KCNMA1: variants seen among roughly 807,000 people sequenced by gnomAD.
The protein encoded by KCNMA1 is potassium calcium-activated channel subfamily M alpha 1.
Under a neutral mutation model 140.0 loss-of-function variants are expected in KCNMA1, and 29 were observed. The observed-to-expected ratio is 0.21, with a 90% CI of 0.15 to 0.28. KCNMA1 has a LOEUF of 0.28. Ranked by LOEUF, KCNMA1 falls within the 10% of genes least tolerant of loss-of-function variation. The probability of loss-of-function intolerance (pLI) is 1.00; values close to 1 mark genes in which losing one functional copy is unlikely to be tolerated. For synonymous variants in KCNMA1, 612 were observed against 611.9 expected, an observed-to-expected ratio of 1.00 and a Z score of 0.00; for missense variants, 880 against 1,602.2, an observed-to-expected ratio of 0.55 and a Z score of 7.70.
chr10:77,290,061 G>T (rs937278534), intron 2 of KCNMA1, among the ~76,000 whole-genome samples: 1 of 152,138 alleles, frequency 6.6e-6, no homozygotes, highest in Non-Finnish European at 1.5e-5. Flanking sequence ...TGCGGTAAAG[G>T]CACAGTTCCA....
At chr10:77,448,931 A>C (rs751287207) in intron 1 of KCNMA1, among the ~76,000 whole-genome samples, 3 of 152,134 alleles carry the variant, frequency 2.0e-5, no homozygotes, top group Non-Finnish European at 4.4e-5. Context: ...TACTAAAAAT[A>C]CAAAAATTAG....
At chr10:77,256,785 C>A (rs1210783978) in intron 2 of KCNMA1, among the ~76,000 whole-genome samples, 1 of 151,912 alleles carries the variant, frequency 6.6e-6, no homozygotes, top group African/African-American at 2.4e-5. Context: ...ATATATGATC[C>A]CAAAGGCATA....
chr10:77,022,385 A>G (rs2092958953), intron 16 of KCNMA1, among the ~76,000 whole-genome samples: 1 of 152,204 alleles, frequency 6.6e-6, no homozygotes, highest in Non-Finnish European at 1.5e-5. Context: ...CCCTCATTTC[A>G]AGGAACATAT....
chr10:76,981,365 G>A (rs553951613), intron 19 of KCNMA1, among the ~76,000 whole-genome samples: 39 of 152,220 alleles, frequency 2.6e-4, no homozygotes, highest in Non-Finnish European at 4.0e-4. Context: ...GCCAGAAAAC[G>A]TTTAAACGGA....
rs1338019813 is a variant in KCNMA1, at chr10:76,886,756, C to G, written c.*510G>C. On this transcript the variant is annotated 3_prime_UTR_variant, in exon 28 of 28. Transcript: ENST00000286628. ...CTTCGGCCCAGAGACTGGAAACAAT[C>G]AATATGTTTTCATTGCTGTTTGGTT... The G allele has an allele frequency of 2.0e-6, 2 of 1,018,488 alleles. No homozygotes were observed. 63.1% of individuals were successfully genotyped at this position (1,018,488 alleles called of 1,614,324 possible). A position where few individuals can be genotyped will look rare whatever the true frequency, so the allele number is the denominator to read the frequency against.
At chr10:76,902,804 A>AG (rs891280623) in intron 25 of KCNMA1, 22 of 152,224 alleles carry the variant, frequency 1.4e-4, no homozygotes, top group African/African-American at 5.3e-4. Context: ...GAGATGAAAA[A>AG]ACAAAACAAA....
At chr10:77,063,718 T>C (rs2095841076) in intron 14 of KCNMA1, 1 of 984,754 alleles carries the variant, frequency 1.0e-6, no homozygotes, top group Admixed American at 6.1e-5. Flanking sequence ...ACATAGGACT[T>C]TGCGATTTTC....
intron 5 of KCNMA1, among the ~76,000 whole-genome samples, chr10:77,134,217 C>T (rs2097924349): frequency 6.6e-6 from 1 of 152,016 alleles, no homozygotes; most frequent in African/African-American, 2.4e-5. Flanking sequence ...GAAATACAGG[C>T]TCTGCCACCA....
chr10:77,036,973 G>A (rs1446882933), intron 15 of KCNMA1, among the ~76,000 whole-genome samples: 1 of 152,038 alleles, frequency 6.6e-6, no homozygotes. Context: ...TGTATTAAAC[G>A]AATAATAGCA....
intron 1 of KCNMA1, among the ~76,000 whole-genome samples, chr10:77,517,829 C>A (rs1316372446): frequency 6.6e-6 from 1 of 152,052 alleles, no homozygotes; most frequent in Non-Finnish European, 1.5e-5. Flanking sequence ...AAAGTACTGC[C>A]TCCATGCAAC....
At chr10:77,026,233 A>G (rs1254631672) in intron 16 of KCNMA1, among the ~76,000 whole-genome samples, 1 of 152,174 alleles carries the variant, frequency 6.6e-6, no homozygotes, top group Admixed American at 6.6e-5. Context: ...ACAACTGCTC[A>G]AGGTTCAGGG....
chr10:76,947,943 T>G (rs977121044), intron 22 of KCNMA1, among the ~76,000 whole-genome samples: 1 of 152,176 alleles, frequency 6.6e-6, no homozygotes, highest in Admixed American at 6.5e-5. Context: ...GCTTTGTAAG[T>G]GGGGGAAAAC....
intron 2 of KCNMA1, among the ~76,000 whole-genome samples, chr10:77,311,272 T>C (rs1358425394): frequency 1.3e-5 from 2 of 152,138 alleles, no homozygotes; most frequent in Non-Finnish European, 2.9e-5. Flanking sequence ...ACAGTGGTGG[T>C]CCCTGAGTCC....
chr10:77,352,178 G>A (rs985214944), intron 2 of KCNMA1, among the ~76,000 whole-genome samples: 1 of 152,182 alleles, frequency 6.6e-6, no homozygotes, highest in South Asian at 2.1e-4. Flanking sequence ...ACACATTGAC[G>A]GTTCTCTATA....
At chr10:77,320,385 A>T (rs1159468076) in intron 2 of KCNMA1, among the ~76,000 whole-genome samples, 1 of 152,196 alleles carries the variant, frequency 6.6e-6, no homozygotes, top group African/African-American at 2.4e-5. Context: ...TCTGCAAGGA[A>T]GGAAGGGGCT....
At chr10:77,468,473 G>C (rs993712405) in intron 1 of KCNMA1, among the ~76,000 whole-genome samples, 1 of 152,174 alleles carries the variant, frequency 6.6e-6, no homozygotes, top group Non-Finnish European at 1.5e-5. Flanking sequence ...AGGTCATTAG[G>C]GTGGGTCCTA....
intron 3 of KCNMA1, among the ~76,000 whole-genome samples, chr10:77,199,454 A>G (rs187167469): frequency 5.5e-4 from 84 of 152,320 alleles, no homozygotes; most frequent in African/African-American, 1.9e-3. Flanking sequence ...ATATTTAATC[A>G]TGCTGTGCCT....
intron 1 of KCNMA1, among the ~76,000 whole-genome samples, chr10:77,482,358 C>G (rs1311642458): frequency 6.6e-6 from 1 of 152,130 alleles, no homozygotes; most frequent in Non-Finnish European, 1.5e-5. Context: ...GCAAGAGAAT[C>G]TACAAAAAGG....
intron 1 of KCNMA1, among the ~76,000 whole-genome samples, chr10:77,433,204 G>C (rs1421265214): frequency 6.6e-6 from 1 of 152,028 alleles, no homozygotes; most frequent in Non-Finnish European, 1.5e-5. Context: ...CCAGGCTGGA[G>C]TGCAATGCTA....
Sources: allele counts gnomAD v4.1 joint callset (sites outside exome capture counted in the v4.1 genomes callset), GRCh38; gene constraint gnomAD v4.1.1; transcripts MANE v1.5; gene names NCBI Gene and HGNC (gene_info 2026-07-23, HGNC 2026-07-21).